LAMA4: variants seen among roughly 807,000 people sequenced by gnomAD.
LAMA4 encodes laminin subunit alpha-4.
LAMA4 carries 127 observed loss-of-function variants against 207.1 expected under a neutral mutation model. The ratio of observed to expected loss-of-function variants is 0.61; its 90% CI spans 0.53 to 0.71. The LOEUF (loss-of-function observed/expected upper bound fraction) is 0.71. LAMA4 is among the 30% of genes least tolerant of loss of function. LAMA4 has a pLI of 0.00. For synonymous variants in LAMA4, 761 were observed against 816.0 expected (o/e 0.93, Z 1.15); for missense variants, 2,093 against 2,246.5 (o/e 0.93, Z 1.38).
At chr6:112,231,919 C>T (rs1785590345) in intron 2 of LAMA4, among the ~76,000 whole-genome samples, 1 of 152,152 alleles carries the variant, frequency 6.6e-6, no homozygotes, top group Admixed American at 6.5e-5. Context: ...GTGTTGAACT[C>T]CCACTCTGTC....
At chr6:112,149,035 A>G (rs1780207263) in intron 17 of LAMA4, among the ~76,000 whole-genome samples, 1 of 147,946 alleles carries the variant, frequency 6.8e-6, no homozygotes, top group Non-Finnish European at 1.5e-5. Context: ...CTTTGGCCCC[A>G]ACTGTAATGT....
At position 112,143,076 on chromosome 6, in the gene LAMA4, G is replaced by A. The variant is rs952464070; in HGVS notation, c.2494-784C>T. On this transcript the variant is annotated intron_variant, in intron 19 of 38. Coordinates refer to ENST00000230538, the MANE Select transcript of LAMA4 (RefSeq NM_001105206.3). ...CCAATATGATATGCTGAGCTGGTCT[G>A]ATTCAGGGATAATTTTTAGAGTATT... Among the ~76,000 whole-genome samples the A allele has an allele frequency of 1.3e-5, 2 of 152,110 alleles. 1 individual carries two copies. Among genetic ancestry groups the A allele is most frequent in the South Asian group, 4.1e-4 (2 of 4,832 alleles).
At position 112,136,237 on chromosome 6, in the gene LAMA4, C is replaced by T; in HGVS notation, c.3300G>A (p.Leu1100=). ...LMVNGSMFFR[L]EMRNGYLHVF... Reference sequence around the variant, plus strand: ...CATGTAGGTAACCATTGCGCATTTCCAGTCTGAAAAACATACTCTGAGGAG... The same window carrying T: ...CATGTAGGTAACCATTGCGCATTTCTAGTCTGAAAAACATACTCTGAGGAG... The change falls in exon 25 of 39, where the codon CTG becomes CTA. Residue 1100 remains leucine, a synonymous_variant. Coordinates refer to ENST00000230538, the MANE Select transcript of LAMA4 (RefSeq NM_001105206.3). 6.2e-7 allele frequency: 1 copy of T among 1,611,514 alleles called. No homozygotes were observed. Among genetic ancestry groups the T allele is most frequent in the Non-Finnish European group, 8.5e-7 (1 of 1,178,000 alleles).
chr6:112,178,520 C>G (rs999320530), intron 9 of LAMA4: 1 of 402,156 alleles, frequency 2.5e-6, no homozygotes, highest in African/African-American at 2.1e-5. Flanking sequence ...TTTGGTGCAC[C>G]CATCACCCGA....
chr6:112,167,320 T>G (rs1427041730), intron 12 of LAMA4, among the ~76,000 whole-genome samples: 2 of 152,128 alleles, frequency 1.3e-5, no homozygotes, highest in Non-Finnish European at 2.9e-5. Context: ...CAGAATTGCT[T>G]GAACCCAGGA....
intron 14 of LAMA4, among the ~76,000 whole-genome samples, chr6:112,157,568 T>C (rs782270369): frequency 9.2e-5 from 14 of 152,194 alleles, no homozygotes; most frequent in African/African-American, 1.2e-4. Flanking sequence ...ATATTTTGGA[T>C]CATGTTTCAC....
rs61742228 is a variant in LAMA4, at chr6:112,191,823, G to A, written c.531C>T (p.Pro177=). 2.5e-3 allele frequency: 3,978 copies of A among 1,613,954 alleles called. 94 individuals carry two copies. In the African/African-American group the frequency reaches 0.047, roughly 19 times the overall value. The change falls in exon 6 of 39, where the codon CCC becomes CCT. Residue 177 remains proline, a synonymous_variant. Coordinates refer to ENST00000230538, the MANE Select transcript of LAMA4 (RefSeq NM_001105206.3). ...ERCAPGYYGN[P]LLIGSTCKKC... Reference sequence around the variant, plus strand: ...TCTTACAGGTGCTTCCAATGAGTAAGGGGTTTCCATAGTAACCGGGAGCAC... The same window carrying A: ...TCTTACAGGTGCTTCCAATGAGTAAAGGGTTTCCATAGTAACCGGGAGCAC...
intron 9 of LAMA4, among the ~76,000 whole-genome samples, chr6:112,182,299 A>G (rs1782414702): frequency 6.6e-6 from 1 of 152,092 alleles, no homozygotes; most frequent in African/African-American, 2.4e-5. Context: ...ACCTATGCAC[A>G]TCCCCCTATA....
At chr6:112,253,887 G>A (rs782620499) in intron 2 of LAMA4, 69 bp downstream of exon 2, 2 of 1,613,878 alleles carry the variant, frequency 1.2e-6, no homozygotes, top group East Asian at 2.2e-5. Context: ...AGAGAGAGAA[G>A]GACGAGTGTG....
At chr6:112,240,023 C>T (rs534348569) in intron 2 of LAMA4, among the ~76,000 whole-genome samples, 2 of 151,850 alleles carry the variant, frequency 1.3e-5, no homozygotes, top group South Asian at 4.2e-4. Context: ...GCCACTGCAC[C>T]CCAGCCTGGG....
intron 12 of LAMA4, among the ~76,000 whole-genome samples, chr6:112,169,394 A>G (rs1554341105): frequency 6.6e-6 from 1 of 152,252 alleles, no homozygotes; most frequent in Non-Finnish European, 1.5e-5. Context: ...AGCAGGTAAT[A>G]GCAAGGCTAA....
chr6:112,142,341 G>A, intron 19 of LAMA4, 49 bp from the exon 20 acceptor site: 1 of 1,570,190 alleles, frequency 6.4e-7, no homozygotes, highest in African/African-American at 1.4e-5. Flanking sequence ...GAAATGGGCA[G>A]AGTGCTTTCC....
At chr6:112,222,861 G>A (rs1247400944) in intron 2 of LAMA4, among the ~76,000 whole-genome samples, 2 of 152,076 alleles carry the variant, frequency 1.3e-5, no homozygotes, top group East Asian at 1.9e-4. Context: ...CCCTACAGCC[G>A]TACAGGTTTT....
chr6:112,112,495 G>A (rs1338050854), intron 38 of LAMA4, among the ~76,000 whole-genome samples: 1 of 152,200 alleles, frequency 6.6e-6, no homozygotes, highest in Non-Finnish European at 1.5e-5. Context: ...AAACTGTGTT[G>A]TGATTTCTGG....
At chr6:112,153,540 A>G (rs1441045093) in intron 16 of LAMA4, among the ~76,000 whole-genome samples, 1 of 152,118 alleles carries the variant, frequency 6.6e-6, no homozygotes, top group Non-Finnish European at 1.5e-5. Context: ...TTTAAAATAG[A>G]AAAGTTGCTT....
chr6:112,166,984 T>A (rs1432260416), intron 12 of LAMA4, among the ~76,000 whole-genome samples: 1 of 152,176 alleles, frequency 6.6e-6, no homozygotes, highest in Non-Finnish European at 1.5e-5. Flanking sequence ...TAAACAGTGC[T>A]TTTGAAGGAG....
intron 2 of LAMA4, among the ~76,000 whole-genome samples, chr6:112,229,576 G>A (rs1554363829): frequency 6.6e-6 from 1 of 152,110 alleles, no homozygotes; most frequent in African/African-American, 2.4e-5. Context: ...GTCTCACTGG[G>A]GGCCATAGGT....
rs200017155 is a variant in LAMA4 at position 112,191,686 on chromosome 6, C to T, written c.668G>A (p.Arg223His). The part of the protein sequence containing the change: ...LRNTTGFKCE[R>H]CAPGYYGDAR... Reference sequence around the variant, plus strand: ...GTCCCCATAGTAGCCAGGAGCGCAACGTTCACACTTGAATCCGGTGGTGTT... The same window carrying T: ...GTCCCCATAGTAGCCAGGAGCGCAATGTTCACACTTGAATCCGGTGGTGTT... Residue 223 changes from arginine (R) to histidine (H), a missense_variant, in exon 6 of 39, where the codon CGT becomes CAT. Arg to His is a conservative substitution (Grantham distance 29). This residue lies in a region of LAMA4 where 1,704 missense variants were observed against 1,788.4 expected (regional missense o/e 0.95). Transcript: ENST00000230538. 1.5e-4 allele frequency: 237 copies of T among 1,614,110 alleles called. No homozygotes were observed. The highest frequency in any genetic ancestry group is 4.0e-4 in the Admixed American group (24 of 60,026).
In LAMA4 at chr6:112,185,832, C is replaced by T. The variant is rs556960935; in HGVS notation, c.967-485G>A. On this transcript the variant is annotated intron_variant, in intron 8 of 38. Transcript: ENST00000230538. ...ATTTTCGAGGAGTTGGGTCTAAATG[C>T]GGCTTTACTGAGATTACTTGGGAGT... Among the ~76,000 whole-genome samples, 8 of 152,194 alleles carry T rather than the reference C, an allele frequency of 5.3e-5. No homozygotes were observed. In the South Asian group the frequency reaches 1.7e-3, roughly 32 times the overall value.
Sources: allele counts gnomAD v4.1 joint callset (sites outside exome capture counted in the v4.1 genomes callset), GRCh38; gene constraint gnomAD v4.1.1; regional missense constraint gnomAD v4.1.1; transcripts MANE v1.5; gene names NCBI Gene and HGNC (gene_info 2026-07-23, HGNC 2026-07-21).